IKBKB-DT: variants seen among roughly 807,000 people sequenced by gnomAD.
The protein encoded by IKBKB-DT is IKBKB antisense RNA.
At chr8:42,258,550 C>G (rs923582019) in intron 3 of IKBKB-DT, among the ~76,000 whole-genome samples, 11 of 151,740 alleles carry the variant, frequency 7.2e-5, no homozygotes, top group African/African-American at 2.7e-4. Context: ...CTCACTGCAA[C>G]CTCCGCCTCC....
intron 3 of IKBKB-DT, among the ~76,000 whole-genome samples, chr8:42,250,437 A>G (rs1370155947): frequency 3.9e-5 from 6 of 152,200 alleles, no homozygotes; most frequent in African/African-American, 1.2e-4. Context: ...ATGGCTGCCA[A>G]TCATTTACAT....
exon 1 of IKBKB-DT, chr8:42,271,180 CCGCCCCGGGGGAGT>C: frequency 1.7e-6 from 1 of 602,662 alleles, no homozygotes; most frequent in South Asian, 1.8e-5. Flanking sequence ...CACGCCACCC[CCGCCCCGGGGGAGT>C]CGCCCGGTCG....
At chr8:42,244,426 C>G (rs16891147) in intron 3 of IKBKB-DT, among the ~76,000 whole-genome samples, 1 of 152,112 alleles carries the variant, frequency 6.6e-6, no homozygotes, top group Non-Finnish European at 1.5e-5. Context: ...CAGACACATA[C>G]GGAGCTATTG....
At chr8:42,261,096 C>G (rs1325554160) in intron 3 of IKBKB-DT, among the ~76,000 whole-genome samples, 1 of 152,144 alleles carries the variant, frequency 6.6e-6, no homozygotes, top group East Asian at 1.9e-4. Context: ...GAGGCTGGGG[C>G]AGGTAGATCA....
At chr8:42,270,989 T>A (rs2129954590) in exon 1 of IKBKB-DT, 1 of 210,146 alleles carries the variant, frequency 4.8e-6, no homozygotes, top group African/African-American at 2.4e-5. Context: ...GCGCGGGAAA[T>A]TCCACCGAGG....
At chr8:42,268,473 G>A (rs1483538497) in intron 1 of IKBKB-DT, among the ~76,000 whole-genome samples, 1 of 152,024 alleles carries the variant, frequency 6.6e-6, no homozygotes, top group East Asian at 1.9e-4. Context: ...GTTTCACTAT[G>A]TTGGCCAGGC....
chr8:42,258,758 G>A (rs534394390), intron 3 of IKBKB-DT, among the ~76,000 whole-genome samples: 3 of 152,154 alleles, frequency 2.0e-5, no homozygotes, highest in Non-Finnish European at 4.4e-5. Context: ...TTGAGCCACC[G>A]CGCCCAGCTG....
chr8:42,270,189 CCTT>C (rs1217917400), intron 1 of IKBKB-DT, among the ~76,000 whole-genome samples: 2 of 152,102 alleles, frequency 1.3e-5, no homozygotes, highest in African/African-American at 4.8e-5. Flanking sequence ...CAGCCATGTA[CCTT>C]GGAAATAATA....
intron 1 of IKBKB-DT, among the ~76,000 whole-genome samples, chr8:42,267,941 T>G (rs534762378): frequency 1.1e-3 from 171 of 152,292 alleles, no homozygotes; most frequent in Non-Finnish European, 1.9e-3. Flanking sequence ...GCCAAGTTAT[T>G]TTGAGCTGAG....
At chr8:42,260,388 G>A (rs999687920) in intron 3 of IKBKB-DT, among the ~76,000 whole-genome samples, 4 of 152,074 alleles carry the variant, frequency 2.6e-5, no homozygotes, top group South Asian at 4.1e-4. Flanking sequence ...TTTCAAGGCC[G>A]GGCGCAGTGG....
chr8:42,238,786 T>G (rs1474307024), intron 3 of IKBKB-DT, among the ~76,000 whole-genome samples: 5 of 152,164 alleles, frequency 3.3e-5, no homozygotes, highest in Non-Finnish European at 5.9e-5. Flanking sequence ...AGAGACTTAC[T>G]TAGCACGAGG....
chr8:42,238,708 A>G (rs1273176390), intron 3 of IKBKB-DT, among the ~76,000 whole-genome samples: 1 of 152,116 alleles, frequency 6.6e-6, no homozygotes, highest in African/African-American at 2.4e-5. Context: ...AGGCTTTTTA[A>G]TTCTGGGACC....
intron 3 of IKBKB-DT, chr8:42,255,378 T>C (rs1462049271): frequency 2.0e-5 from 3 of 152,234 alleles, no homozygotes; most frequent in Non-Finnish European, 4.4e-5. Context: ...ACTTTCCAAG[T>C]CTCTCAAGAA....
At chr8:42,269,157 A>G (rs1807428618) in intron 1 of IKBKB-DT, among the ~76,000 whole-genome samples, 1 of 150,900 alleles carries the variant, frequency 6.6e-6, no homozygotes, top group Non-Finnish European at 1.5e-5. Context: ...TGTCAACAAA[A>G]TAAAATTTAA....
intron 3 of IKBKB-DT, among the ~76,000 whole-genome samples, chr8:42,254,584 G>C (rs1000424598): frequency 3.5e-5 from 5 of 143,592 alleles, no homozygotes; most frequent in African/African-American, 7.8e-5. Context: ...GCTGCCCACT[G>C]TCTGGGAAGT....
intron 3 of IKBKB-DT, among the ~76,000 whole-genome samples, chr8:42,250,357 G>T (rs972040367): frequency 1.3e-5 from 2 of 152,102 alleles, no homozygotes; most frequent in Non-Finnish European, 2.9e-5. Flanking sequence ...GCCAATCATT[G>T]GTTCTATGTT....
chr8:42,264,120 T>C (rs1323158019), intron 2 of IKBKB-DT, among the ~76,000 whole-genome samples: 1 of 151,328 alleles, frequency 6.6e-6, no homozygotes, highest in Non-Finnish European at 1.5e-5. Flanking sequence ...CTGGGCTTTT[T>C]TTTTTGGTAT....
chr8:42,235,583 A>G (rs575042855), intron 3 of IKBKB-DT, among the ~76,000 whole-genome samples: 2 of 152,312 alleles, frequency 1.3e-5, no homozygotes, highest in South Asian at 2.1e-4. Flanking sequence ...CTGACACAGC[A>G]TAAGAGGACA....
chr8:42,247,401 A>G (rs1255864385), intron 3 of IKBKB-DT, among the ~76,000 whole-genome samples: 3 of 152,178 alleles, frequency 2.0e-5, no homozygotes, highest in Non-Finnish European at 4.4e-5. Context: ...ACCTCATTGT[A>G]TCTAGGAAGT....
Sources: allele counts gnomAD v4.1 joint callset (sites outside exome capture counted in the v4.1 genomes callset), GRCh38; gene constraint gnomAD v4.1.1; transcripts MANE v1.5; gene names NCBI Gene and HGNC (gene_info 2026-07-23, HGNC 2026-07-21).